Variants in AUH observed in about 807,000 individuals in gnomAD.
AUH encodes the protein AU RNA binding methylglutaconyl-CoA hydratase.
Under a neutral mutation model 42.3 loss-of-function variants are expected in AUH, and 29 were observed. That is an observed-to-expected ratio of 0.69 (90% CI 0.51 to 0.93). The LOEUF is 0.93. Among genes scored for constraint, AUH ranks in the 40% least tolerant of loss-of-function variants. The pLI is 0.00. For synonymous variants in AUH, 174 were observed against 166.4 expected, an observed-to-expected ratio of 1.05 and a Z score of -0.35; for missense variants, 452 against 438.1, an observed-to-expected ratio of 1.03 and a Z score of -0.28.
At chr9:91,333,525 T>G (rs1271140036) in intron 3 of AUH, among the ~76,000 whole-genome samples, 3 of 152,220 alleles carry the variant, frequency 2.0e-5, no homozygotes, top group East Asian at 3.8e-4. Context: ...ATATAAACTT[T>G]TATTAGACAT....
chr9:91,340,620 A>G (rs76284073), intron 3 of AUH, among the ~76,000 whole-genome samples: 13,018 of 152,256 alleles, frequency 0.086, 631 homozygotes, highest in East Asian at 0.17. Flanking sequence ...TGAACAAAAT[A>G]CTTCTCAAAC....
At chr9:91,350,764 A>T (rs1295806409) in intron 3 of AUH, among the ~76,000 whole-genome samples, 1 of 152,070 alleles carries the variant, frequency 6.6e-6, no homozygotes. Flanking sequence ...ATCTCAAAAA[A>T]AAAAAACAAA....
At chr9:91,228,141 C>T (rs1827631691) in intron 6 of AUH, among the ~76,000 whole-genome samples, 1 of 151,634 alleles carries the variant, frequency 6.6e-6, no homozygotes, top group Non-Finnish European at 1.5e-5. Context: ...CCAGTTCCTC[C>T]TTGTACCTCT....
intron 6 of AUH, among the ~76,000 whole-genome samples, chr9:91,225,420 T>C (rs1009964809): frequency 2.6e-5 from 4 of 152,240 alleles, no homozygotes; most frequent in African/African-American, 7.2e-5. Context: ...AAAGTGAAGA[T>C]AGCGTATCCT....
intron 3 of AUH, chr9:91,342,822 C>T (rs10991894): frequency 0.081 from 12,271 of 152,218 alleles, 809 homozygotes; most frequent in East Asian, 0.26. Flanking sequence ...AACATCAGGT[C>T]TATTTGTACA....
intron 4 of AUH, among the ~76,000 whole-genome samples, chr9:91,308,523 C>A (rs2131736416): frequency 6.6e-6 from 1 of 152,252 alleles, no homozygotes; most frequent in South Asian, 2.1e-4. Context: ...ATGCAGAAAA[C>A]AAAGACAGTA....
chr9:91,355,005 T>C (rs1312516588), intron 3 of AUH, among the ~76,000 whole-genome samples: 72 of 152,240 alleles, frequency 4.7e-4, no homozygotes, highest in Non-Finnish European at 2.9e-5. Context: ...ATTTGACAAA[T>C]GTGAAAACAG....
rs536165610 is a variant in AUH, at chr9:91,219,704, G to A, written c.843+1101C>T. Among the ~76,000 whole-genome samples, 15 of 152,344 alleles carry A rather than the reference G, an allele frequency of 9.8e-5. No individual in the cohort carries two copies. The South Asian group carries it at 3.1e-3, about 32-fold the overall frequency. On this transcript the variant is annotated intron_variant, in intron 7 of 9. Transcript: ENST00000375731. ...AGAAGGACCAGAAGCATCAATGCCA[G>A]GCAGTGTGGTTTTAAAAACCGATTC...
chr9:91,283,865 T>C (rs1403992279), intron 6 of AUH, among the ~76,000 whole-genome samples: 1 of 152,050 alleles, frequency 6.6e-6, no homozygotes, highest in African/African-American at 2.4e-5. Context: ...AGAATCAATA[T>C]TGTGAAAATG....
chr9:91,276,196 A>G (rs1248103074), intron 6 of AUH, among the ~76,000 whole-genome samples: 1 of 152,200 alleles, frequency 6.6e-6, no homozygotes, highest in African/African-American at 2.4e-5. Context: ...TGGAAGGCCA[A>G]GGCAGGCGGA....
chr9:91,351,978 ATTATAATC>A (rs1428071317), intron 3 of AUH, among the ~76,000 whole-genome samples: 3 of 152,228 alleles, frequency 2.0e-5, no homozygotes, highest in Admixed American at 1.3e-4. Flanking sequence ...AAAATACAGT[ATTATAATC>A]TTATGAGGCT....
intron 3 of AUH, among the ~76,000 whole-genome samples, chr9:91,349,404 A>G (rs1831776180): frequency 6.6e-6 from 1 of 152,212 alleles, no homozygotes; most frequent in Non-Finnish European, 1.5e-5. Context: ...ATTCTCAGTA[A>G]TTTCTCACAA....
intron 4 of AUH, among the ~76,000 whole-genome samples, chr9:91,301,927 C>G (rs1827816879): frequency 6.6e-6 from 1 of 152,108 alleles, no homozygotes; most frequent in Non-Finnish European, 1.5e-5. Flanking sequence ...AGAAAGCTGT[C>G]TATAAAATGT....
chr9:91,353,307 C>T (rs1315589104), intron 3 of AUH, among the ~76,000 whole-genome samples: 1 of 151,948 alleles, frequency 6.6e-6, no homozygotes, highest in African/African-American at 2.4e-5. Flanking sequence ...AGGCTGGTCT[C>T]GAATTCTTGA....
At chr9:91,327,864 T>C (rs1050425538) in intron 3 of AUH, among the ~76,000 whole-genome samples, 1 of 152,178 alleles carries the variant, frequency 6.6e-6, no homozygotes, top group African/African-American at 2.4e-5. Context: ...TCTCTGAGTT[T>C]TTGGGTGACA....
intron 3 of AUH, among the ~76,000 whole-genome samples, chr9:91,338,641 G>T (rs912936356): frequency 6.6e-6 from 1 of 152,212 alleles, no homozygotes; most frequent in African/African-American, 2.4e-5. Flanking sequence ...ATGTTGGCCA[G>T]GCTGGTCTCG....
intron 1 of AUH, among the ~76,000 whole-genome samples, chr9:91,361,255 C>A (rs1308574122): frequency 6.6e-6 from 1 of 152,128 alleles, no homozygotes; most frequent in African/African-American, 2.4e-5. Context: ...CCACTAATAG[C>A]TGAGTTTACA....
chr9:91,305,968 A>G (rs1828188706), intron 4 of AUH, among the ~76,000 whole-genome samples: 1 of 152,162 alleles, frequency 6.6e-6, no homozygotes, highest in Non-Finnish European at 1.5e-5. Flanking sequence ...CTGAAACTCA[A>G]TAGGAAGCCC....
In AUH at chr9:91,214,336, T is replaced by A. The variant is rs1261424907; in HGVS notation, c.*12A>T. 2 of 1,597,034 alleles carry A rather than the reference T, an allele frequency of 1.3e-6. No homozygotes were observed. Among genetic ancestry groups the A allele is most frequent in the African/African-American group, 2.7e-5 (2 of 74,540 alleles). On this transcript the variant is annotated 3_prime_UTR_variant, in exon 10 of 10. Coordinates refer to ENST00000375731, the MANE Select transcript of AUH (RefSeq NM_001698.3). ...ATTTATTACATTGGCATCTTAAGAA[T>A]TTCTGTTCCTTTTATTCTCCTTTAT...
Sources: gnomAD v4.1 joint callset for allele counts (sites outside exome capture counted in the v4.1 genomes callset) on GRCh38, gnomAD v4.1.1 for gene constraint, MANE v1.5 for transcripts, NCBI Gene and HGNC (gene_info 2026-07-23, HGNC 2026-07-21) for gene names.